AKAP10: variants seen among roughly 807,000 people sequenced by gnomAD.
The protein encoded by AKAP10 is A-kinase anchoring protein 10, also known as A-kinase anchor protein 10, mitochondrial.
A neutral mutation model predicts 80.8 loss-of-function variants in AKAP10; 24 were observed. The ratio of observed to expected loss-of-function variants is 0.30; its 90% confidence interval spans 0.22 to 0.42. The LOEUF (loss-of-function observed/expected upper bound fraction) is 0.42. AKAP10 is among the 10% of genes least tolerant of loss of function. The probability of loss-of-function intolerance (pLI) is 1.00; values close to 1 mark genes in which losing one functional copy is unlikely to be tolerated. For missense variants in AKAP10, 661 were observed against 794.9 expected (o/e 0.83, Z 2.03); for synonymous variants, 291 against 277.7 (o/e 1.05, Z -0.48).
rs2043594982 is a variant in AKAP10, at chr17:19,977,788, C to T, written c.-109G>A. ...CCGCCTCCTCGGGATGCCCAGGCAG[C>T]TCCAGCCGCCATATTATCAACAAGC... On this transcript the variant is annotated 5_prime_UTR_variant, in exon 1 of 15. Coordinates refer to ENST00000225737, the MANE Select transcript of AKAP10 (RefSeq NM_007202.4). 2 of 594,648 alleles carry T rather than the reference C, an allele frequency of 3.4e-6. No individual in the cohort carries two copies. Among genetic ancestry groups the T allele is most frequent in the Non-Finnish European group, 2.5e-6 (1 of 404,420 alleles). The allele number at this position is 594,648 out of a possible 1,614,324, so 36.8% of individuals were successfully genotyped here. A position where few individuals can be genotyped will look rare whatever the true frequency, so the allele number is the denominator to read the frequency against.
At chr17:19,972,067 C>T (rs1336944488) in intron 1 of AKAP10, among the ~76,000 whole-genome samples, 6 of 152,246 alleles carry the variant, frequency 3.9e-5, no homozygotes, top group South Asian at 2.1e-4. Flanking sequence ...GATCATGCCA[C>T]TGCATTCTAG....
Position 19,977,811 on chromosome 17 carries a change from A to C in AKAP10, c.-132T>G, listed in dbSNP as rs950787831. 6.2e-6 allele frequency: 3 copies of C among 480,290 alleles called. No homozygotes were observed. In the East Asian group the frequency reaches 1.1e-4, roughly 17 times the overall value. 29.8% of individuals were successfully genotyped at this position (480,290 alleles called of 1,614,324 possible). On this transcript the variant is annotated 5_prime_UTR_variant, in exon 1 of 15. Coordinates refer to ENST00000225737, the MANE Select transcript of AKAP10 (RefSeq NM_007202.4). Reference sequence around the variant, plus strand: ...AGCTCCAGCCGCCATATTATCAACAAGCCGCCCGCCCGGAGTTCCGGTCCT... The same window carrying C: ...AGCTCCAGCCGCCATATTATCAACACGCCGCCCGCCCGGAGTTCCGGTCCT...
intron 1 of AKAP10, 64 bp downstream of exon 1, chr17:19,977,528 C>T: frequency 8.4e-7 from 1 of 1,186,422 alleles, no homozygotes; most frequent in Non-Finnish European, 1.1e-6. Context: ...CCCTCGCAGG[C>T]CCACCTGCCC....
intron 8 of AKAP10, among the ~76,000 whole-genome samples, chr17:19,939,290 C>T (rs1192299000): frequency 2.0e-5 from 3 of 152,112 alleles, no homozygotes; most frequent in Non-Finnish European, 2.9e-5. Flanking sequence ...TTAGTACCAG[C>T]ATCCTCATAT....
chr17:19,946,280 T>G (rs1439107318), intron 5 of AKAP10, among the ~76,000 whole-genome samples: 2 of 33,454 alleles, frequency 6.0e-5, no homozygotes, highest in African/African-American at 1.9e-4. Context: ...TATATATTTT[T>G]TTTTTTTTTT....
At chr17:19,977,463 G>C in intron 1 of AKAP10, 129 bp downstream of exon 1, 1 of 629,034 alleles carries the variant, frequency 1.6e-6, no homozygotes, top group East Asian at 3.4e-5. Flanking sequence ...CACTCAGGGG[G>C]CATCTGCGCC....
intron 5 of AKAP10, among the ~76,000 whole-genome samples, chr17:19,946,234 ATAT>A (rs1366421017): frequency 1.5e-3 from 26 of 17,258 alleles, no homozygotes; most frequent in South Asian, 4.1e-3. Context: ...ATATATATAT[ATAT>A]TATATATATA....
In AKAP10 at chr17:19,977,826, G is replaced by C. The variant is rs2043597567; in HGVS notation, c.-147C>G. 9.2e-6 allele frequency: 4 copies of C among 435,714 alleles called. No homozygotes were observed. In the Admixed American group the frequency reaches 1.3e-4, roughly 14 times the overall value. The allele number at this position is 435,714 out of a possible 1,614,324, so 27.0% of individuals were successfully genotyped here. ...ATTATCAACAAGCCGCCCGCCCGGA[G>C]TTCCGGTCCTTCCCCGCGCTAGGCT... On this transcript the variant is annotated 5_prime_UTR_variant, in exon 1 of 15. Coordinates refer to ENST00000225737, the MANE Select transcript of AKAP10 (RefSeq NM_007202.4).
At chr17:19,970,822 T>TA (rs911081865) in intron 1 of AKAP10, among the ~76,000 whole-genome samples, 151 of 148,186 alleles carry the variant, frequency 1.0e-3, no homozygotes, top group Middle Eastern at 3.5e-3. Context: ...GACTCTGTCT[T>TA]AAAAAAAAAA....
At chr17:19,932,573 T>C (rs540519979) in intron 9 of AKAP10, among the ~76,000 whole-genome samples, 4 of 152,070 alleles carry the variant, frequency 2.6e-5, no homozygotes, top group Admixed American at 6.6e-5. Flanking sequence ...AAATAGTCCA[T>C]AGGATATAAT....
intron 14 of AKAP10, among the ~76,000 whole-genome samples, chr17:19,908,233 A>G (rs566154744): frequency 6.6e-6 from 1 of 152,164 alleles, no homozygotes; most frequent in Non-Finnish European, 1.5e-5. Flanking sequence ...AAAGAGGGTT[A>G]GGCCTTTGTT....
intron 1 of AKAP10, 118 bp from the exon 2 acceptor site, chr17:19,968,579 A>G: frequency 1.2e-6 from 1 of 839,480 alleles, no homozygotes; most frequent in Non-Finnish European, 1.9e-6. Context: ...AGAACAATGG[A>G]CAGCCTTGGA....
intron 2 of AKAP10, among the ~76,000 whole-genome samples, chr17:19,966,724 T>TAAGCACAGAATTTTTTAGCC (rs1185169618): frequency 6.6e-5 from 10 of 152,114 alleles, no homozygotes; most frequent in East Asian, 1.9e-4. Context: ...AAATGAAGAA[T>TAAGCACAGAATTTTTTAGCC]CTGAAGAAAG....
chr17:19,939,183 A>T (rs1480569262), intron 8 of AKAP10, among the ~76,000 whole-genome samples: 1 of 152,190 alleles, frequency 6.6e-6, no homozygotes, highest in Non-Finnish European at 1.5e-5. Flanking sequence ...AGTGAAAACT[A>T]ATAAAAAACT....
chr17:19,975,854 T>C (rs1205581252), intron 1 of AKAP10, among the ~76,000 whole-genome samples: 5 of 151,898 alleles, frequency 3.3e-5, no homozygotes, highest in African/African-American at 7.3e-5. Context: ...TAGAATGTTT[T>C]CCCCCCTTAA....
At chr17:19,910,643 A>G (rs1157710458) in intron 12 of AKAP10, among the ~76,000 whole-genome samples, 1 of 143,108 alleles carries the variant, frequency 7.0e-6, no homozygotes, top group Non-Finnish European at 1.5e-5. Context: ...AACCCTAACC[A>G]GGATAATGCT....
chr17:19,946,246 T>A (rs1235609252), intron 5 of AKAP10, among the ~76,000 whole-genome samples: 588 of 15,998 alleles, frequency 0.037, 30 homozygotes, highest in African/African-American at 0.11. Context: ...ATTATATATA[T>A]ATATATATAT....
intron 4 of AKAP10, among the ~76,000 whole-genome samples, chr17:19,952,464 CAATAAATAAATA>C (rs57806192): frequency 8.7e-4 from 129 of 148,206 alleles, no homozygotes; most frequent in South Asian, 1.5e-3. Flanking sequence ...AACTCTGTCT[CAATAAATAAATA>C]AATAAATAAA....
chr17:19,968,516 T>C, intron 1 of AKAP10, 55 bp from the exon 2 acceptor site: 18 of 1,405,262 alleles, frequency 1.3e-5, no homozygotes, highest in Non-Finnish European at 1.5e-5. Flanking sequence ...ATCCATTCTA[T>C]AACACTGTAA....
Sources: allele counts gnomAD v4.1 joint callset (sites outside exome capture counted in the v4.1 genomes callset), GRCh38; gene constraint gnomAD v4.1.1; transcripts MANE v1.5; gene names NCBI Gene and HGNC (gene_info 2026-07-23, HGNC 2026-07-21).